NRXN3: variants seen among roughly 807,000 people sequenced by gnomAD.
NRXN3 encodes neurexin 3, also known as neurexin III.
Under a neutral mutation model 137.6 loss-of-function variants are expected in NRXN3, and 32 were observed. That is an observed-to-expected ratio of 0.23 (90% CI 0.18 to 0.31). The LOEUF (loss-of-function observed/expected upper bound fraction) is 0.31, where lower values mean the gene tolerates loss of function less well. Among genes scored for constraint, NRXN3 ranks in the 10% least tolerant of loss-of-function variants. The probability of loss-of-function intolerance (pLI) is 1.00; values close to 1 mark genes in which losing one functional copy is unlikely to be tolerated. For missense variants in NRXN3, 1,574 were observed against 2,062.5 expected, an observed-to-expected ratio of 0.76 and a Z score of 4.59; for synonymous variants, 798 against 784.5, an observed-to-expected ratio of 1.02 and a Z score of -0.29.
chr14:78,403,500 T>G (rs1329327552), intron 4 of NRXN3, among the ~76,000 whole-genome samples: 1 of 152,092 alleles, frequency 6.6e-6, no homozygotes, highest in East Asian at 1.9e-4. Flanking sequence ...ATCTGCAGAT[T>G]CAAATAAATC....
intron 4 of NRXN3, among the ~76,000 whole-genome samples, chr14:78,327,125 C>G (rs11626963): frequency 0.035 from 5,391 of 152,230 alleles, 119 homozygotes; most frequent in Middle Eastern, 0.092. Flanking sequence ...CAGTGCAAGA[C>G]TCAATAAATG....
chr14:78,642,994 G>A (rs2097650440), intron 4 of NRXN3, among the ~76,000 whole-genome samples: 1 of 152,124 alleles, frequency 6.6e-6, no homozygotes, highest in Admixed American at 6.5e-5. Flanking sequence ...ACATATGCAG[G>A]TAGATACATA....
At chr14:79,748,152 A>G (rs2098985361) in intron 19 of NRXN3, among the ~76,000 whole-genome samples, 1 of 151,996 alleles carries the variant, frequency 6.6e-6, no homozygotes, top group Non-Finnish European at 1.5e-5. Flanking sequence ...TTGTTTACCT[A>G]CGTAACAAAC....
chr14:78,316,780 T>C (rs1235249794), intron 4 of NRXN3, among the ~76,000 whole-genome samples: 4 of 152,206 alleles, frequency 2.6e-5, no homozygotes. Flanking sequence ...GACCAAGACC[T>C]AGTGTTTGTC....
At chr14:79,663,993 C>T in intron 17 of NRXN3, 44 bp downstream of exon 17, 2 of 1,590,046 alleles carry the variant, frequency 1.3e-6, no homozygotes, top group Non-Finnish European at 8.6e-7. Flanking sequence ...TTGACTCTCC[C>T]ATTCTCACTT....
chr14:78,997,404 C>T (rs374144900), intron 15 of NRXN3, among the ~76,000 whole-genome samples: 22 of 152,176 alleles, frequency 1.4e-4, no homozygotes, highest in East Asian at 3.9e-4. Context: ...CTTAAGGTGA[C>T]GGCAATAATC....
chr14:78,674,533 A>G (rs888215570), intron 6 of NRXN3, among the ~76,000 whole-genome samples: 8 of 152,184 alleles, frequency 5.3e-5, no homozygotes, highest in African/African-American at 1.9e-4. Flanking sequence ...TATCCAGATA[A>G]TTTTGGTGGG....
rs75377107 is a variant in NRXN3 at position 78,252,157 on chromosome 14, CT to C, written c.709+8369del. Among the ~76,000 whole-genome samples, 1,106 of 143,410 alleles carry C rather than the reference CT, an allele frequency of 7.7e-3. 2 individuals carry two copies. Among genetic ancestry groups the C allele is most frequent in the African/African-American group, 0.011 (454 of 39,548 alleles). 94.1% of individuals were successfully genotyped at this position (143,410 alleles called of 152,430 possible). A position where few individuals can be genotyped will look rare whatever the true frequency, so the allele number is the denominator to read the frequency against. On this transcript the variant is annotated intron_variant, in intron 2 of 20. Coordinates refer to ENST00000335750, the MANE Select transcript of NRXN3 (RefSeq NM_001330195.2). ...ATAATGTATTTTCCAAAGTTTTTTT[CT>C]TTTTTTTTTTTTTAAATCCTGGAAC...
At chr14:78,936,919 T>C (rs2099341857) in intron 10 of NRXN3, among the ~76,000 whole-genome samples, 1 of 152,086 alleles carries the variant, frequency 6.6e-6, no homozygotes, top group African/African-American at 2.4e-5. Flanking sequence ...AAGGCACTTT[T>C]CAAATTTCTA....
intron 15 of NRXN3, among the ~76,000 whole-genome samples, chr14:79,260,998 C>T (rs1200460931): frequency 6.6e-6 from 1 of 152,128 alleles, no homozygotes; most frequent in Non-Finnish European, 1.5e-5. Flanking sequence ...AGATCCTAGG[C>T]TAGTTAGTTC....
intron 4 of NRXN3, among the ~76,000 whole-genome samples, chr14:78,598,256 C>G (rs2097174055): frequency 6.6e-6 from 1 of 152,138 alleles, no homozygotes; most frequent in South Asian, 2.1e-4. Flanking sequence ...TACCCAGCAC[C>G]CCCTCAGACT....
chr14:78,170,952 CTTTTT>C (rs545853025), intron 1 of NRXN3, among the ~76,000 whole-genome samples: 6 of 126,208 alleles, frequency 4.8e-5, no homozygotes, highest in Non-Finnish European at 6.6e-5. Flanking sequence ...TCTTCTTCTT[CTTTTT>C]TTTTTTTTTT....
chr14:79,777,741 G>T (rs1292351666), intron 19 of NRXN3, among the ~76,000 whole-genome samples: 1 of 151,680 alleles, frequency 6.6e-6, no homozygotes, highest in Non-Finnish European at 1.5e-5. Flanking sequence ...AATTTTGTGG[G>T]TGGGGTATCT....
chr14:79,044,005 C>A (rs1005898212), intron 15 of NRXN3, among the ~76,000 whole-genome samples: 1 of 152,126 alleles, frequency 6.6e-6, no homozygotes, highest in Non-Finnish European at 1.5e-5. Flanking sequence ...TTAGTAGCAC[C>A]TTTCTCCCAT....
At chr14:79,126,915 C>T (rs918907945) in intron 15 of NRXN3, among the ~76,000 whole-genome samples, 2 of 152,202 alleles carry the variant, frequency 1.3e-5, no homozygotes, top group African/African-American at 4.8e-5. Context: ...TTGCATTTCT[C>T]TGTTGGCCAG....
At chr14:79,019,796 A>G (rs2099585653) in intron 15 of NRXN3, among the ~76,000 whole-genome samples, 2 of 152,102 alleles carry the variant, frequency 1.3e-5, no homozygotes, top group Non-Finnish European at 2.9e-5. Context: ...AGCAAGACCA[A>G]TGACAGTGGA....
At chr14:79,837,201 A>C (rs1314443824) in intron 20 of NRXN3, among the ~76,000 whole-genome samples, 1 of 152,212 alleles carries the variant, frequency 6.6e-6, no homozygotes, top group African/African-American at 2.4e-5. Context: ...GGAAGACAGT[A>C]TCTACAGTCC....
chr14:79,735,853 G>A (rs1279987272), intron 19 of NRXN3, among the ~76,000 whole-genome samples: 1 of 152,144 alleles, frequency 6.6e-6, no homozygotes, highest in Non-Finnish European at 1.5e-5. Flanking sequence ...CCCAGTTCAA[G>A]CTTCCTTCCA....
chr14:79,373,476 T>C (rs1264097033), intron 15 of NRXN3, among the ~76,000 whole-genome samples: 1 of 152,214 alleles, frequency 6.6e-6, no homozygotes, highest in Non-Finnish European at 1.5e-5. Context: ...AATAAAAGAT[T>C]CCGGAAAGCG....
Sources: gnomAD v4.1 joint callset for allele counts (sites outside exome capture counted in the v4.1 genomes callset) on GRCh38, gnomAD v4.1.1 for gene constraint, MANE v1.5 for transcripts, NCBI Gene and HGNC (gene_info 2026-07-23, HGNC 2026-07-21) for gene names.